Variants in RNF130 observed in about 807,000 individuals in gnomAD.
RNF130 encodes ring finger protein 130, also known as E3 ubiquitin-protein ligase RNF130.
A neutral mutation model predicts 44.6 loss-of-function variants in RNF130; 21 were observed. The ratio of observed to expected loss-of-function variants is 0.47; its 90% CI spans 0.33 to 0.68. The LOEUF (loss-of-function observed/expected upper bound fraction) is 0.68, where lower values mean the gene tolerates loss of function less well. Ranked by LOEUF, RNF130 falls within the 30% of genes least tolerant of loss-of-function variation. The probability of loss-of-function intolerance (pLI) is 0.02; values close to 1 mark genes in which losing one functional copy is unlikely to be tolerated. For synonymous variants in RNF130, 214 were observed against 210.4 expected, an observed-to-expected ratio of 1.02 and a Z score of -0.15; for missense variants, 479 against 560.6, an observed-to-expected ratio of 0.85 and a Z score of 1.47.
At chr5:180,016,320 T>A (rs751303441) in intron 2 of RNF130, among the ~76,000 whole-genome samples, 1 of 139,144 alleles carries the variant, frequency 7.2e-6, no homozygotes, top group Non-Finnish European at 1.6e-5. Flanking sequence ...CTTTTAAGGA[T>A]CTGAGGAGCT....
At chr5:179,912,783 G>C (rs1336862894) in exon 8 of RNF130, 1 of 152,282 alleles carries the variant, frequency 6.6e-6, no homozygotes, top group Non-Finnish European at 1.5e-5. Flanking sequence ...CCAGTCATTG[G>C]AGAAGTCCTT....
intron 2 of RNF130, among the ~76,000 whole-genome samples, chr5:180,033,903 T>C (rs1469944554): frequency 2.6e-5 from 4 of 152,212 alleles, no homozygotes; most frequent in African/African-American, 9.6e-5. Context: ...CTGTGTACAA[T>C]GGTTAAAACC....
At chr5:180,027,001 C>T (rs1371835452) in intron 2 of RNF130, among the ~76,000 whole-genome samples, 1 of 152,204 alleles carries the variant, frequency 6.6e-6, no homozygotes, top group African/African-American at 2.4e-5. Flanking sequence ...ACTGTAAACT[C>T]AGTAAGGGCA....
chr5:180,025,640 T>A (rs183082497), intron 2 of RNF130, among the ~76,000 whole-genome samples: 2,370 of 152,234 alleles, frequency 0.016, 42 homozygotes, highest in Non-Finnish European at 0.02. Flanking sequence ...GAATTTTTTT[T>A]AAAAAAATGT....
At position 179,994,822 on chromosome 5, in the gene RNF130, T is replaced by G. The variant is rs552771958; in HGVS notation, c.694-14622A>C. Among the ~76,000 whole-genome samples the G allele has an allele frequency of 3.3e-5, 5 of 152,368 alleles. No individual in the cohort carries two copies. In the East Asian group the frequency reaches 9.6e-4, roughly 29 times the overall value. Reference sequence around the variant, plus strand: ...CAACCTCCAGGCCAGCAGGTGGTAGTTGCAGGTCACAGCTGGCTACAGTTC... The same window carrying G: ...CAACCTCCAGGCCAGCAGGTGGTAGGTGCAGGTCACAGCTGGCTACAGTTC... On this transcript the variant is annotated intron_variant, in intron 3 of 8. Coordinates refer to ENST00000521389, the MANE Select transcript of RNF130 (RefSeq NM_018434.6).
At chr5:179,961,785 C>G (rs1762335129) in intron 8 of RNF130, among the ~76,000 whole-genome samples, 1 of 152,190 alleles carries the variant, frequency 6.6e-6, no homozygotes, top group Non-Finnish European at 1.5e-5. Flanking sequence ...CACAGAGCTA[C>G]TATGGTACTG....
intron 1 of RNF130, among the ~76,000 whole-genome samples, chr5:180,049,814 T>G (rs1286225192): frequency 2.0e-5 from 3 of 152,144 alleles, no homozygotes; most frequent in African/African-American, 7.2e-5. Context: ...TTCTTTATAC[T>G]TTTTTTCCCT....
At chr5:179,939,631 T>A (rs1363956995) in intron 7 of RNF130, 1 of 460,010 alleles carries the variant, frequency 2.2e-6, no homozygotes, top group Non-Finnish European at 4.3e-6. Context: ...CTACCACAAA[T>A]GACGTGGAAG....
intron 3 of RNF130, among the ~76,000 whole-genome samples, chr5:179,983,602 A>G (rs1297843894): frequency 6.6e-6 from 1 of 152,258 alleles, no homozygotes; most frequent in South Asian, 2.1e-4. Context: ...CTATTCTAAC[A>G]TCCTTGTGGT....
At chr5:179,986,635 G>A (rs919696200) in intron 3 of RNF130, among the ~76,000 whole-genome samples, 11 of 152,144 alleles carry the variant, frequency 7.2e-5, no homozygotes, top group African/African-American at 2.7e-4. Context: ...AATACAGTAC[G>A]TACTACTGTT....
intron 3 of RNF130, among the ~76,000 whole-genome samples, chr5:179,989,450 A>G (rs1325675596): frequency 6.6e-6 from 1 of 152,204 alleles, no homozygotes; most frequent in Non-Finnish European, 1.5e-5. Flanking sequence ...GGGTGTATAA[A>G]TATTTTGAAT....
intron 8 of RNF130, among the ~76,000 whole-genome samples, chr5:179,961,373 T>A (rs1762325641): frequency 6.6e-6 from 1 of 152,126 alleles, no homozygotes; most frequent in Non-Finnish European, 1.5e-5. Flanking sequence ...CAACTGCTAA[T>A]GGGAGAAGGG....
intron 2 of RNF130, among the ~76,000 whole-genome samples, chr5:180,019,469 T>C (rs1221353178): frequency 6.6e-6 from 1 of 152,084 alleles, no homozygotes; most frequent in Non-Finnish European, 1.5e-5. Flanking sequence ...AAGCTGCACA[T>C]GGGGCAGAGC....
intron 2 of RNF130, among the ~76,000 whole-genome samples, chr5:180,033,399 T>G (rs1235640735): frequency 2.0e-5 from 3 of 152,234 alleles, no homozygotes; most frequent in African/African-American, 7.2e-5. Context: ...TAATTTCATT[T>G]TTGGAACGTT....
In RNF130 at chr5:179,955,638, G is replaced by A; in HGVS notation, c.*16C>T. On this transcript the variant is annotated 3_prime_UTR_variant, in exon 9 of 9. Transcript: ENST00000521389. ...CCTTCAAGGCAAAATCAGTCAGAAAGCAGGTTTTTTCTTCTTCAAAACCAT... is the reference window on the plus strand; with the variant it reads ...CCTTCAAGGCAAAATCAGTCAGAAAACAGGTTTTTTCTTCTTCAAAACCAT... 1 of 1,583,158 alleles carries A rather than the reference G, an allele frequency of 6.3e-7. No individual in the cohort carries two copies. The highest frequency in any genetic ancestry group is 8.6e-7 in the Non-Finnish European group (1 of 1,165,638).
chr5:180,009,970 G>A (rs770297010), intron 3 of RNF130, among the ~76,000 whole-genome samples: 7 of 151,768 alleles, frequency 4.6e-5, no homozygotes, highest in Admixed American at 1.3e-4. Context: ...TATCTTGGCC[G>A]GGCGCAGTGG....
chr5:179,923,299 C>T (rs926213596), intron 7 of RNF130, among the ~76,000 whole-genome samples: 2 of 151,908 alleles, frequency 1.3e-5, no homozygotes, highest in Non-Finnish European at 2.9e-5. Flanking sequence ...AAAAGATTAT[C>T]CTTTCCCCCA....
chr5:180,052,489 A>T (rs1408998204), intron 1 of RNF130, among the ~76,000 whole-genome samples: 1 of 152,240 alleles, frequency 6.6e-6, no homozygotes, highest in African/African-American at 2.4e-5. Flanking sequence ...GCCTGAAGGC[A>T]CTACTAACTC....
At chr5:180,061,588 C>T (rs376424069) in intron 1 of RNF130, among the ~76,000 whole-genome samples, 1 of 152,218 alleles carries the variant, frequency 6.6e-6, no homozygotes, top group African/African-American at 2.4e-5. Flanking sequence ...CCTTTGCACC[C>T]GCCGGTTTGT....
Sources: allele counts gnomAD v4.1 joint callset (sites outside exome capture counted in the v4.1 genomes callset), GRCh38; gene constraint gnomAD v4.1.1; transcripts MANE v1.5; gene names NCBI Gene and HGNC (gene_info 2026-07-23, HGNC 2026-07-21).